BPIFB3: variants seen among roughly 807,000 people sequenced by gnomAD.
BPIFB3 encodes BPI fold containing family B member 3, also known as BPI fold-containing family B member 3.
A neutral mutation model predicts 53.1 loss-of-function variants in BPIFB3; 49 were observed. That is an observed-to-expected ratio of 0.92 (90% CI 0.73 to 1.17). The LOEUF is 1.17. Among genes scored for constraint, BPIFB3 ranks in the 50% most tolerant of loss-of-function variants. The pLI is 0.00. For missense variants in BPIFB3, 628 were observed against 592.5 expected (o/e 1.06, Z -0.62); for synonymous variants, 271 against 269.6 (o/e 1.01, Z -0.05).
At chr20:33,072,692 G>C in intron 13 of BPIFB3, 25 bp from the exon 15 acceptor site, 1 of 1,600,882 alleles carries the variant, frequency 6.2e-7, no homozygotes, top group Non-Finnish European at 8.6e-7. Context: ...ATGTACCTTT[G>C]TTTTCAACGA....
chr20:33,071,396 A>G, intron 12 of BPIFB3, 101 bp downstream of exon 13: 2 of 1,339,978 alleles, frequency 1.5e-6, no homozygotes, highest in Non-Finnish European at 2.1e-6. Flanking sequence ...GACTGAGCTG[A>G]CCTCAGGACT....
intron 10 of BPIFB3, 39 bp from the exon 12 acceptor site, chr20:33,069,849 G>C: frequency 6.2e-7 from 1 of 1,611,792 alleles, no homozygotes; most frequent in Non-Finnish European, 8.5e-7. Context: ...AGCTCCTTCT[G>C]CCGATTGGGG....
chr20:33,072,853 G>T (rs1321134414), intron 14 of BPIFB3, 60 bp downstream of exon 15: 1 of 1,356,684 alleles, frequency 7.4e-7, no homozygotes, highest in Non-Finnish European at 1.1e-6. Flanking sequence ...GGAAAGCTCT[G>T]CTTGAAACTA....
chr20:33,072,704 T>C lies in BPIFB3; in HGVS notation c.1325-13T>C, dbSNP rs1162968867. 1.2e-6 allele frequency: 2 copies of C among 1,609,714 alleles called. No individual in the cohort carries two copies. Among genetic ancestry groups the C allele is most frequent in the African/African-American group, 2.7e-5 (2 of 74,864 alleles). On this transcript the variant is annotated splice_polypyrimidine_tract_variant and intron_variant, in intron 13 of 14. Transcript: ENST00000375494. ...CCAATGTACCTTTGTTTTCAACGAT[T>C]CTCTTTTCACAGTGGCCCTGGATGT...
At chr20:33,059,408 G>T in exon 3 of BPIFB3, 1 of 1,612,916 alleles carries the variant, frequency 6.2e-7, no homozygotes, top group Non-Finnish European at 8.5e-7. Flanking sequence ...CGCTGCCAAA[G>T]GTGTTGCTGA....
intron 2 of BPIFB3, 81 bp downstream of exon 3, chr20:33,056,779 T>A: frequency 6.8e-7 from 1 of 1,474,340 alleles, no homozygotes; most frequent in Non-Finnish European, 9.0e-7. Flanking sequence ...TCTTTGTAAT[T>A]TGTCCAATAG....
At chr20:33,071,421 T>G (rs561506465) in intron 12 of BPIFB3, 126 bp downstream of exon 13, 1 of 1,139,600 alleles carries the variant, frequency 8.8e-7, no homozygotes, top group South Asian at 1.6e-5. Context: ...TCCTCCCCAA[T>G]TAAGCCAGAG....
chr20:33,071,393 C>G, intron 12 of BPIFB3, 98 bp downstream of exon 13: 1 of 1,357,454 alleles, frequency 7.4e-7, no homozygotes, highest in Non-Finnish European at 1.0e-6. Context: ...TATGACTGAG[C>G]TGACCTCAGG....
intron 2 of BPIFB3, among the ~76,000 whole-genome samples, chr20:33,057,368 T>C (rs754220176): frequency 6.6e-5 from 10 of 152,120 alleles, no homozygotes; most frequent in Non-Finnish European, 1.3e-4. Flanking sequence ...TTTGTAGTTT[T>C]AGTAGAGAAG....
exon 8 of BPIFB3, chr20:33,064,806 G>A (rs1368611405): frequency 1.2e-6 from 2 of 1,613,864 alleles, no homozygotes; most frequent in African/African-American, 2.7e-5. Flanking sequence ...GACTCCTGCA[G>A]ACCAACGGCG....
intron 4 of BPIFB3, among the ~76,000 whole-genome samples, chr20:33,061,523 A>G (rs949297663): frequency 6.6e-6 from 1 of 152,216 alleles, no homozygotes; most frequent in Non-Finnish European, 1.5e-5. Flanking sequence ...ACACACTCCC[A>G]TGTAACCCGG....
chr20:33,054,757 G>A (rs1980122779), upstream of BPIFB3, among the ~76,000 whole-genome samples: 2 of 152,098 alleles, frequency 1.3e-5, no homozygotes, highest in Admixed American at 1.3e-4. Context: ...TGATTGGGTG[G>A]GCAAATACGG....
Position 33,066,872 on chromosome 20 carries a change from CCT to C in BPIFB3, c.974_975del (p.Pro325ArgfsTer47), listed in dbSNP as rs772342821. Reference sequence around the variant, plus strand: ...AACTACAGACCTGGCAGCTTTGCTCCCTGAGGTGAGTGACGCTCTCATGGGTT... The same window carrying C: ...AACTACAGACCTGGCAGCTTTGCTCCGAGGTGAGTGACGCTCTCATGGGTT... On this transcript the variant is annotated frameshift_variant, in exon 9 of 15. Coordinates refer to ENST00000375494, the Ensembl canonical transcript of BPIFB3. LOFTEE classifies it high-confidence loss of function. The C allele has an allele frequency of 8.7e-6, 14 of 1,614,000 alleles. No individual in the cohort carries two copies. The highest frequency in any genetic ancestry group is 1.3e-5 in the African/African-American group (1 of 74,910).
intron 8 of BPIFB3, among the ~76,000 whole-genome samples, chr20:33,065,618 G>A (rs539918387): frequency 5.4e-4 from 82 of 151,824 alleles, no homozygotes; most frequent in African/African-American, 1.9e-3. Context: ...AGGAAGGAAG[G>A]AAGGAAGAAA....
intron 4 of BPIFB3, among the ~76,000 whole-genome samples, chr20:33,061,337 A>ATCATTCATTCAT (rs4012503): frequency 4.0e-5 from 6 of 151,270 alleles, no homozygotes; most frequent in African/African-American, 1.5e-4. Context: ...TCCTCAGGCC[A>ATCATTCATTCAT]TCATTCATTC....
At chr20:33,054,670 C>A (rs1944973783), upstream of BPIFB3, among the ~76,000 whole-genome samples, 1 of 152,112 alleles carries the variant, frequency 6.6e-6, no homozygotes, top group Middle Eastern at 3.2e-3. Flanking sequence ...TGGCAAGAAG[C>A]CTGGGTTTCA....
intron 8 of BPIFB3, among the ~76,000 whole-genome samples, chr20:33,065,817 CAG>C (rs1305212381): frequency 3.9e-5 from 6 of 152,134 alleles, no homozygotes; most frequent in Admixed American, 1.3e-4. Context: ...CCCAAGGAAA[CAG>C]GGGTTGGTCA....
chr20:33,058,489 T>G (rs931745048), intron 2 of BPIFB3, among the ~76,000 whole-genome samples: 1 of 152,064 alleles, frequency 6.6e-6, no homozygotes, highest in Non-Finnish European at 1.5e-5. Flanking sequence ...CAGCTACTCA[T>G]GGGGTTGTTG....
Position 33,073,594 on chromosome 20 carries a change from G to A in BPIFB3, c.1420G>A (p.Val474Met), listed in dbSNP as rs149644176. ...CTTACAGAATGCTGTTGTGCTGACC[G>A]TGGCATCCTGAGGCTGAGACATGGC... Residue 474 changes from valine to methionine, a missense_variant, in exon 15 of 15, where the codon GTG becomes ATG. Transcript: ENST00000375494. 9.3e-6 allele frequency: 15 copies of A among 1,613,908 alleles called. No individual in the cohort carries two copies. In the African/African-American group the frequency reaches 1.3e-4, roughly 14 times the overall value.
Sources: allele counts gnomAD v4.1 joint callset (sites outside exome capture counted in the v4.1 genomes callset), GRCh38; gene constraint gnomAD v4.1.1; transcripts MANE v1.5; gene names NCBI Gene and HGNC (gene_info 2026-07-23, HGNC 2026-07-21).